SLC8A1: variants seen among roughly 807,000 people sequenced by gnomAD.
SLC8A1 encodes sodium/calcium exchanger 1.
In SLC8A1, 18 loss-of-function variants were observed where a neutral mutation model predicts 68.3. The observed-to-expected ratio is 0.26, with a 90% CI of 0.18 to 0.39. The LOEUF is 0.39. Ranked by LOEUF, SLC8A1 falls within the 10% of genes least tolerant of loss-of-function variation. The pLI is 1.00. For missense variants in SLC8A1, 985 were observed against 1,156.7 expected (o/e 0.85, Z 2.15); for synonymous variants, 475 against 415.5 (o/e 1.14, Z -1.74).
At chr2:40,170,288 G>A in intron 4 of SLC8A1, 1 of 1,613,728 alleles carries the variant, frequency 6.2e-7, no homozygotes, top group Non-Finnish European at 8.5e-7. Flanking sequence ...TACCTGCAAT[G>A]GTGATTACAG....
chr2:40,233,863 C>A (rs2060007310), intron 2 of SLC8A1, among the ~76,000 whole-genome samples: 1 of 151,080 alleles, frequency 6.6e-6, no homozygotes, highest in South Asian at 2.1e-4. Flanking sequence ...AATCCTTTCC[C>A]CATTGCTTGT....
intron 2 of SLC8A1, among the ~76,000 whole-genome samples, chr2:40,289,475 T>C (rs942755948): frequency 2.0e-5 from 3 of 152,128 alleles, no homozygotes; most frequent in African/African-American, 7.2e-5. Flanking sequence ...TAGCCAGCCA[T>C]TGGAATTGAG....
chr2:40,346,212 C>A (rs1669254981), intron 2 of SLC8A1, among the ~76,000 whole-genome samples: 1 of 152,044 alleles, frequency 6.6e-6, no homozygotes, highest in African/African-American at 2.4e-5. Context: ...GGGTTGATTT[C>A]TTTTATTGCA....
At chr2:40,494,737 A>T (rs1230437601) in intron 1 of SLC8A1, among the ~76,000 whole-genome samples, 1 of 147,098 alleles carries the variant, frequency 6.8e-6, no homozygotes, top group East Asian at 2.0e-4. Flanking sequence ...GCTCATGCTC[A>T]GAAATATTTA....
intron 2 of SLC8A1, among the ~76,000 whole-genome samples, chr2:40,349,440 AG>A (rs1437533352): frequency 6.6e-6 from 1 of 152,230 alleles, no homozygotes; most frequent in Non-Finnish European, 1.5e-5. Context: ...GCAGAATAAA[AG>A]ACTTTCTAGT....
chr2:40,448,539 G>A lies in SLC8A1; in HGVS notation c.-25+3365C>T, dbSNP rs1297037253. 1.3e-5 allele frequency among the ~76,000 whole-genome samples: 2 copies of A among 152,192 alleles called. 1 individual carries two copies. Among genetic ancestry groups the A allele is most frequent in the Non-Finnish European group, 2.9e-5 (2 of 68,020 alleles). On this transcript the variant is annotated intron_variant, in intron 1 of 7. Coordinates refer to ENST00000406785, the Ensembl canonical transcript of SLC8A1. ...TTAAAAAGAAAAGTGGAAACAGCTAGTACAGAAATCCACTGGTTTTGTTAG... is the reference window on the plus strand; with the variant it reads ...TTAAAAAGAAAAGTGGAAACAGCTAATACAGAAATCCACTGGTTTTGTTAG...
intron 1 of SLC8A1, among the ~76,000 whole-genome samples, chr2:40,497,013 A>C (rs1455596979): frequency 1.3e-5 from 2 of 151,904 alleles, no homozygotes; most frequent in African/African-American, 4.8e-5. Flanking sequence ...AGCATGGCAC[A>C]TGTATACATA....
chr2:40,427,962 A>G (rs1697311633), intron 2 of SLC8A1, among the ~76,000 whole-genome samples: 1 of 152,182 alleles, frequency 6.6e-6, no homozygotes, highest in South Asian at 2.1e-4. Context: ...TATTGTCACA[A>G]AACACAATGT....
chr2:40,466,528 T>A (rs770224879), intron 1 of SLC8A1, among the ~76,000 whole-genome samples: 1 of 152,216 alleles, frequency 6.6e-6, no homozygotes, highest in Admixed American at 6.5e-5. Flanking sequence ...TGCTACTAAT[T>A]AGGTGCTGGT....
intron 7 of SLC8A1, among the ~76,000 whole-genome samples, chr2:40,130,068 C>T (rs2039012363): frequency 6.6e-6 from 1 of 152,080 alleles, no homozygotes; most frequent in Non-Finnish European, 1.5e-5. Context: ...TGCAGTACTG[C>T]CCTTTGAGAG....
intron 2 of SLC8A1, among the ~76,000 whole-genome samples, chr2:40,345,098 C>T (rs1343448472): frequency 2.6e-5 from 4 of 152,132 alleles, no homozygotes; most frequent in Non-Finnish European, 4.4e-5. Context: ...AGTCTTCATT[C>T]TCATTTTTCC....
At chr2:40,400,548 C>T (rs972706355) in intron 2 of SLC8A1, among the ~76,000 whole-genome samples, 3 of 152,098 alleles carry the variant, frequency 2.0e-5, no homozygotes, top group Admixed American at 2.0e-4. Flanking sequence ...AGTCAAAGTC[C>T]TTTGTAAAAC....
intron 1 of SLC8A1, among the ~76,000 whole-genome samples, chr2:40,501,145 C>A (rs943815803): frequency 1.3e-5 from 2 of 152,022 alleles, no homozygotes; most frequent in Admixed American, 6.6e-5. Context: ...TGTTTCCTTA[C>A]TTCATTGAGT....
At chr2:40,448,862 G>C (rs1345785408) in intron 1 of SLC8A1, among the ~76,000 whole-genome samples, 1 of 152,076 alleles carries the variant, frequency 6.6e-6, no homozygotes, top group Non-Finnish European at 1.5e-5. Context: ...ACCAGGAAGA[G>C]TAGAGAGATA....
At chr2:40,192,345 T>C (rs997122375) in intron 2 of SLC8A1, among the ~76,000 whole-genome samples, 1 of 108,794 alleles carries the variant, frequency 9.2e-6, no homozygotes, top group Admixed American at 1.1e-4. Context: ...CTGACACCTA[T>C]CCATGGATCT....
At chr2:40,224,648 G>C (rs764268962) in intron 2 of SLC8A1, among the ~76,000 whole-genome samples, 1 of 152,046 alleles carries the variant, frequency 6.6e-6, no homozygotes, top group Non-Finnish European at 1.5e-5. Flanking sequence ...TAGGCTTTGA[G>C]TTAGAGCTAG....
intron 2 of SLC8A1, among the ~76,000 whole-genome samples, chr2:40,270,868 G>C (rs2065937788): frequency 6.6e-6 from 1 of 152,136 alleles, no homozygotes; most frequent in African/African-American, 2.4e-5. Context: ...AGGAGGGAGT[G>C]AGGCTTCAGG....
At chr2:40,192,095 T>C (rs2051980235) in intron 2 of SLC8A1, among the ~76,000 whole-genome samples, 1 of 152,064 alleles carries the variant, frequency 6.6e-6, no homozygotes, top group African/African-American at 2.4e-5. Flanking sequence ...ATAAAATAAT[T>C]TATATAAGAG....
At chr2:40,165,315 C>T (rs181191708) in intron 4 of SLC8A1, among the ~76,000 whole-genome samples, 152 of 152,278 alleles carry the variant, frequency 1.0e-3, no homozygotes, top group South Asian at 1.2e-3. Context: ...TTCCCTGTGA[C>T]GCTGGCTCAG....
Sources: allele counts gnomAD v4.1 joint callset (sites outside exome capture counted in the v4.1 genomes callset), GRCh38; gene constraint gnomAD v4.1.1; transcripts MANE v1.5; gene names NCBI Gene and HGNC (gene_info 2026-07-23, HGNC 2026-07-21).